SPAG16: variants seen among roughly 807,000 people sequenced by gnomAD.
SPAG16 encodes the protein sperm associated antigen 16.
SPAG16 carries 86 observed loss-of-function variants against 80.4 expected under a neutral mutation model. The ratio of observed to expected loss-of-function variants is 1.07; its 90% CI spans 0.90 to 1.28. The LOEUF (loss-of-function observed/expected upper bound fraction) is 1.28, where lower values mean the gene tolerates loss of function less well. Ranked by LOEUF, SPAG16 falls within the 50% of genes most tolerant of loss-of-function variation. The pLI, the probability that SPAG16 is intolerant of heterozygous loss-of-function variation, is 0.00. For synonymous variants in SPAG16, 294 were observed against 265.9 expected, an observed-to-expected ratio of 1.11 and a Z score of -1.03; for missense variants, 870 against 765.3, an observed-to-expected ratio of 1.14 and a Z score of -1.61.
At chr2:214,144,860 C>A (rs2055557066) in intron 14 of SPAG16, among the ~76,000 whole-genome samples, 1 of 152,022 alleles carries the variant, frequency 6.6e-6, no homozygotes, top group Non-Finnish European at 1.5e-5. Flanking sequence ...AAGGTTCAAA[C>A]TACAATCAAA....
At chr2:213,856,491 A>C (rs2075173545) in intron 10 of SPAG16, among the ~76,000 whole-genome samples, 1 of 152,180 alleles carries the variant, frequency 6.6e-6, no homozygotes, top group Non-Finnish European at 1.5e-5. Context: ...CCAAACCCAC[A>C]TTTCCCTTCC....
intron 10 of SPAG16, among the ~76,000 whole-genome samples, chr2:213,792,643 G>T (rs948590077): frequency 1.4e-5 from 2 of 145,016 alleles, no homozygotes; most frequent in African/African-American, 2.6e-5. Context: ...GAGTGCAGTG[G>T]CTTGATCCTG....
intron 8 of SPAG16, among the ~76,000 whole-genome samples, chr2:213,368,443 C>A (rs534570075): frequency 6.6e-6 from 1 of 152,058 alleles, no homozygotes; most frequent in Non-Finnish European, 1.5e-5. Context: ...TTATGACAAA[C>A]CCACAGCCAA....
intron 10 of SPAG16, among the ~76,000 whole-genome samples, chr2:213,727,267 A>T (rs7597489): frequency 6.6e-6 from 1 of 152,078 alleles, no homozygotes; most frequent in African/African-American, 2.4e-5. Flanking sequence ...GAAATATACA[A>T]TGCAAAAGAA....
At chr2:213,345,224 GTTGT>G (rs1277381697) in intron 6 of SPAG16, among the ~76,000 whole-genome samples, 1 of 147,686 alleles carries the variant, frequency 6.8e-6, no homozygotes, top group Non-Finnish European at 1.5e-5. Flanking sequence ...TGTTGATGGG[GTTGT>G]TTGTTTTTTT....
chr2:213,983,925 A>G (rs1354493692), intron 12 of SPAG16, among the ~76,000 whole-genome samples: 2 of 152,058 alleles, frequency 1.3e-5, no homozygotes, highest in African/African-American at 2.4e-5. Context: ...GCAAGTCATT[A>G]TAAATTCCTG....
intron 15 of SPAG16, chr2:214,240,921 A>G (rs1483587627): frequency 2.6e-5 from 4 of 152,178 alleles, no homozygotes; most frequent in Admixed American, 6.5e-5. Context: ...TTACCTTCCA[A>G]TATCTGTCAT....
chr2:213,896,063 A>G (rs897518020), intron 11 of SPAG16, among the ~76,000 whole-genome samples: 31 of 152,164 alleles, frequency 2.0e-4, no homozygotes, highest in African/African-American at 6.8e-4. Flanking sequence ...TGATGGAATT[A>G]ATAACCAGAA....
chr2:214,173,141 CT>C (rs1352137838), intron 15 of SPAG16, among the ~76,000 whole-genome samples: 1 of 152,046 alleles, frequency 6.6e-6, no homozygotes, highest in African/African-American at 2.4e-5. Flanking sequence ...GTTGCCGTTG[CT>C]TTTGGTGTTT....
intron 10 of SPAG16, among the ~76,000 whole-genome samples, chr2:213,575,703 A>T (rs1372232336): frequency 6.6e-6 from 1 of 152,126 alleles, no homozygotes; most frequent in Non-Finnish European, 1.5e-5. Context: ...TTGTTCATTG[A>T]ATTAGTTGTT....
intron 10 of SPAG16, among the ~76,000 whole-genome samples, chr2:213,649,973 G>T (rs939285964): frequency 1.3e-5 from 2 of 152,090 alleles, no homozygotes; most frequent in Non-Finnish European, 2.9e-5. Context: ...AGGCTGTCAT[G>T]ACTTTAAGTG....
chr2:213,332,718 A>G (rs1227466077), intron 5 of SPAG16, among the ~76,000 whole-genome samples: 3 of 152,310 alleles, frequency 2.0e-5, no homozygotes, highest in African/African-American at 7.2e-5. Flanking sequence ...GGATGATTCA[A>G]CATATGCAAG....
intron 13 of SPAG16, among the ~76,000 whole-genome samples, chr2:214,045,362 C>T (rs1044558619): frequency 1.3e-5 from 2 of 152,140 alleles, no homozygotes; most frequent in Non-Finnish European, 2.9e-5. Flanking sequence ...GATTAAAAAG[C>T]TCTTGGGCCC....
At chr2:213,325,103 G>GT (rs1226253711) in intron 5 of SPAG16, among the ~76,000 whole-genome samples, 1 of 151,978 alleles carries the variant, frequency 6.6e-6, no homozygotes, top group African/African-American at 2.4e-5. Flanking sequence ...TAATTGAATT[G>GT]TAAGAGTTGT....
intron 13 of SPAG16, among the ~76,000 whole-genome samples, chr2:214,032,452 A>G (rs574310529): frequency 3.9e-5 from 6 of 152,348 alleles, no homozygotes; most frequent in African/African-American, 1.4e-4. Flanking sequence ...CATGAAATGC[A>G]GAATGCATAA....
At chr2:213,935,452 T>A (rs1401959021) in intron 12 of SPAG16, among the ~76,000 whole-genome samples, 1 of 152,202 alleles carries the variant, frequency 6.6e-6, no homozygotes, top group African/African-American at 2.4e-5. Context: ...CCCTCTTTTT[T>A]CTTCCCTTGC....
At chr2:213,886,125 C>G (rs2076545019) in intron 11 of SPAG16, among the ~76,000 whole-genome samples, 1 of 152,062 alleles carries the variant, frequency 6.6e-6, no homozygotes, top group Admixed American at 6.6e-5. Context: ...AGCATTTCCC[C>G]TTTCTGGGTA....
At chr2:214,143,288 A>G (rs1246852595) in intron 14 of SPAG16, among the ~76,000 whole-genome samples, 1 of 150,150 alleles carries the variant, frequency 6.7e-6, no homozygotes, top group Non-Finnish European at 1.5e-5. Flanking sequence ...TCTGTATACA[A>G]ATGCTTGGAA....
At chr2:213,580,947 G>T (rs997505555) in intron 10 of SPAG16, among the ~76,000 whole-genome samples, 1 of 151,882 alleles carries the variant, frequency 6.6e-6, no homozygotes, top group Non-Finnish European at 1.5e-5. Context: ...TTGTAATTAA[G>T]TAAGCCTATA....
Sources: gnomAD v4.1 joint callset for allele counts (sites outside exome capture counted in the v4.1 genomes callset) on GRCh38, gnomAD v4.1.1 for gene constraint, MANE v1.5 for transcripts, NCBI Gene and HGNC (gene_info 2026-07-23, HGNC 2026-07-21) for gene names.